TMEM181: variants seen among roughly 807,000 people sequenced by gnomAD.
TMEM181 encodes the protein transmembrane protein 181, also known as G protein-coupled receptor 178.
Under a neutral mutation model 71.9 loss-of-function variants are expected in TMEM181, and 39 were observed. The ratio of observed to expected loss-of-function variants is 0.54; its 90% confidence interval spans 0.42 to 0.71. TMEM181 has a LOEUF of 0.71. TMEM181 is among the 30% of genes least tolerant of loss of function. The probability of loss-of-function intolerance (pLI) is 0.00; values close to 1 mark genes in which losing one functional copy is unlikely to be tolerated. For missense variants in TMEM181, 595 were observed against 583.0 expected, an observed-to-expected ratio of 1.02 and a Z score of -0.21; for synonymous variants, 245 against 228.8, an observed-to-expected ratio of 1.07 and a Z score of -0.64.
intron 11 of TMEM181, among the ~76,000 whole-genome samples, 196 bp from the exon 12 acceptor site, chr6:158,624,908 T>A (rs1249165411): frequency 3.3e-5 from 5 of 152,196 alleles, no homozygotes; most frequent in African/African-American, 1.2e-4. Flanking sequence ...GTCGTCCACC[T>A]CAGGGGAGCT....
At chr6:158,614,601 A>G (rs1469469513) in intron 10 of TMEM181, among the ~76,000 whole-genome samples, 5 of 152,096 alleles carry the variant, frequency 3.3e-5, no homozygotes, top group African/African-American at 1.2e-4. Flanking sequence ...CGCATCATTT[A>G]CATTAGGTAT....
chr6:158,591,453 T>G (rs1216352626), intron 6 of TMEM181, among the ~76,000 whole-genome samples: 1 of 152,034 alleles, frequency 6.6e-6, no homozygotes. Context: ...TTTCCAGATC[T>G]TTTGGATCTG....
chr6:158,626,162 G>A (rs1376370618), intron 13 of TMEM181, among the ~76,000 whole-genome samples: 3 of 152,224 alleles, frequency 2.0e-5, no homozygotes, highest in Non-Finnish European at 2.9e-5. Flanking sequence ...TGCTGCCATT[G>A]GGGGAGATGG....
At chr6:158,545,181 A>T (rs1016534293) in intron 1 of TMEM181, among the ~76,000 whole-genome samples, 1 of 152,246 alleles carries the variant, frequency 6.6e-6, no homozygotes. Context: ...TTCCCGCTAC[A>T]CCCCGCTTTC....
At chr6:158,591,318 G>A (rs1784097425) in intron 6 of TMEM181, among the ~76,000 whole-genome samples, 1 of 152,144 alleles carries the variant, frequency 6.6e-6, no homozygotes, top group Non-Finnish European at 1.5e-5. Flanking sequence ...AGCTGCAGGG[G>A]CAGGTGTTGC....
intron 1 of TMEM181, among the ~76,000 whole-genome samples, chr6:158,542,932 G>A (rs2128278181): frequency 7.4e-6 from 1 of 135,924 alleles, no homozygotes; most frequent in Admixed American, 8.3e-5. Flanking sequence ...CTGGAGTGCA[G>A]TGGCGTGATC....
At chr6:158,592,345 A>G (rs1050072327) in intron 6 of TMEM181, among the ~76,000 whole-genome samples, 2 of 152,158 alleles carry the variant, frequency 1.3e-5, no homozygotes, top group African/African-American at 4.8e-5. Context: ...TTTTCAACCA[A>G]TCAATTTTCA....
intron 10 of TMEM181, chr6:158,611,233 G>A (rs1785286746): frequency 2.0e-6 from 1 of 499,788 alleles, no homozygotes; most frequent in African/African-American, 2.0e-5. Flanking sequence ...TCTCAGCAGG[G>A]GTGACTGTGA....
At chr6:158,584,549 A>G (rs751859359) in intron 4 of TMEM181, among the ~76,000 whole-genome samples, 14 of 152,198 alleles carry the variant, frequency 9.2e-5, no homozygotes, top group Non-Finnish European at 1.8e-4. Context: ...CCCCTAATGC[A>G]TCCATTGTTT....
chr6:158,578,643 A>G (rs369768423), intron 2 of TMEM181, among the ~76,000 whole-genome samples: 7 of 152,226 alleles, frequency 4.6e-5, no homozygotes, highest in African/African-American at 1.7e-4. Context: ...TTAGAGTGTT[A>G]TAACTTTAGG....
chr6:158,573,922 G>A (rs1187715045), intron 2 of TMEM181, among the ~76,000 whole-genome samples: 2 of 152,112 alleles, frequency 1.3e-5, no homozygotes, highest in African/African-American at 4.8e-5. Flanking sequence ...GGAGGAGAGT[G>A]GGGGGCTGAT....
At chr6:158,578,961 T>G (rs1783316280) in intron 2 of TMEM181, among the ~76,000 whole-genome samples, 1 of 152,194 alleles carries the variant, frequency 6.6e-6, no homozygotes, top group African/African-American at 2.4e-5. Context: ...CTCAAGAGAT[T>G]TGAAAGCAGG....
At chr6:158,596,119 A>G (rs1169863820) in intron 6 of TMEM181, among the ~76,000 whole-genome samples, 1 of 151,976 alleles carries the variant, frequency 6.6e-6, no homozygotes, top group Non-Finnish European at 1.5e-5. Context: ...ACAGGGTTTC[A>G]CTGCGTTAGC....
chr6:158,539,206 G>A (rs1781248681), intron 1 of TMEM181, among the ~76,000 whole-genome samples: 1 of 152,216 alleles, frequency 6.6e-6, no homozygotes, highest in Non-Finnish European at 1.5e-5. Context: ...ATGAGCACAA[G>A]TTGACTGCAG....
chr6:158,626,798 C>T (rs1214767375), intron 13 of TMEM181: 11 of 455,318 alleles, frequency 2.4e-5, no homozygotes. Flanking sequence ...CTCATGCCTT[C>T]ACTCACAACT....
intron 1 of TMEM181, among the ~76,000 whole-genome samples, chr6:158,552,601 G>A (rs1158264970): frequency 1.3e-5 from 2 of 152,136 alleles, no homozygotes; most frequent in Non-Finnish European, 2.9e-5. Flanking sequence ...TTAGCATTGG[G>A]CCATAAGAGC....
intron 1 of TMEM181, among the ~76,000 whole-genome samples, chr6:158,565,811 G>A (rs1249349242): frequency 1.3e-5 from 2 of 152,070 alleles, no homozygotes; most frequent in Admixed American, 6.5e-5. Context: ...CGTGTCCTGC[G>A]GGCGAGTGGA....
chr6:158,598,830 C>T (rs1040287411), intron 6 of TMEM181, among the ~76,000 whole-genome samples: 2 of 152,024 alleles, frequency 1.3e-5, no homozygotes, highest in African/African-American at 2.4e-5. Context: ...CCCGCCATCA[C>T]GCCCAGATAA....
intron 2 of TMEM181, 70 bp downstream of exon 2, chr6:158,573,593 GC>G: frequency 2.3e-6 from 3 of 1,285,610 alleles, no homozygotes; most frequent in Non-Finnish European, 3.3e-6. Context: ...CTTTCGGTCA[GC>G]CCAGCTGTGC....
Sources: gnomAD v4.1 joint callset for allele counts (sites outside exome capture counted in the v4.1 genomes callset) on GRCh38, gnomAD v4.1.1 for gene constraint, MANE v1.5 for transcripts, NCBI Gene and HGNC (gene_info 2026-07-23, HGNC 2026-07-21) for gene names.